The following AAK1 variants were observed in gnomAD, a reference collection of about 807,000 sequenced individuals.
AAK1 encodes the protein AP2 associated kinase 1, also known as AP2-associated protein kinase 1.
Under a neutral mutation model 116.0 loss-of-function variants are expected in AAK1, and 37 were observed. That is an observed-to-expected ratio of 0.32 (90% CI 0.25 to 0.42). AAK1 has a LOEUF of 0.42. Among genes scored for constraint, AAK1 ranks in the 10% least tolerant of loss-of-function variants. AAK1 has a pLI of 1.00. For missense variants in AAK1, 919 were observed against 1,170.6 expected, an observed-to-expected ratio of 0.79 and a Z score of 3.14; for synonymous variants, 458 against 439.9, an observed-to-expected ratio of 1.04 and a Z score of -0.51.
At chr2:69,608,698 G>A (rs568853805) in intron 2 of AAK1, among the ~76,000 whole-genome samples, 1 of 152,154 alleles carries the variant, frequency 6.6e-6, no homozygotes, top group Non-Finnish European at 1.5e-5. Flanking sequence ...ATGAGGTAGA[G>A]ATTAATTTTA....
intron 2 of AAK1, among the ~76,000 whole-genome samples, chr2:69,626,713 T>A (rs1389297381): frequency 3.4e-5 from 5 of 147,926 alleles, no homozygotes; most frequent in African/African-American, 1.3e-4. Flanking sequence ...TTGCCCAGAC[T>A]GGTCTTGAAC....
chr2:69,595,480 G>A (rs1482904384), intron 2 of AAK1, among the ~76,000 whole-genome samples: 2 of 152,194 alleles, frequency 1.3e-5, no homozygotes, highest in Admixed American at 6.5e-5. Flanking sequence ...CTGGATATAA[G>A]AACAAACCTG....
intron 10 of AAK1, among the ~76,000 whole-genome samples, chr2:69,524,031 C>A (rs962116294): frequency 6.6e-6 from 1 of 152,200 alleles, no homozygotes; most frequent in African/African-American, 2.4e-5. Flanking sequence ...TTCGTTTAAT[C>A]CTCTTTTGGC....
At chr2:69,622,119 G>A (rs558888117) in intron 2 of AAK1, among the ~76,000 whole-genome samples, 44 of 152,358 alleles carry the variant, frequency 2.9e-4, no homozygotes, top group African/African-American at 8.7e-4. Context: ...TGCGCAGGGC[G>A]CCTGTGGGCC....
At chr2:69,530,546 G>A in intron 7 of AAK1, 79 bp downstream of exon 7, 1 of 1,206,278 alleles carries the variant, frequency 8.3e-7, no homozygotes, top group Non-Finnish European at 1.2e-6. Flanking sequence ...CCATGCTATA[G>A]CGCTGTGTGC....
chr2:69,629,267 T>C (rs1401349810), intron 2 of AAK1, among the ~76,000 whole-genome samples: 1 of 152,240 alleles, frequency 6.6e-6, no homozygotes, highest in Non-Finnish European at 1.5e-5. Flanking sequence ...TGCAGGCCAA[T>C]GCCAATCATC....
At chr2:69,529,805 T>C (rs1055167042) in intron 8 of AAK1, among the ~76,000 whole-genome samples, 9 of 152,140 alleles carry the variant, frequency 5.9e-5, no homozygotes, top group African/African-American at 2.2e-4. Context: ...GGCTCAGGTG[T>C]GAAACAGAAC....
At chr2:69,613,548 C>T (rs183422879) in intron 2 of AAK1, among the ~76,000 whole-genome samples, 1 of 152,268 alleles carries the variant, frequency 6.6e-6, no homozygotes, top group Non-Finnish European at 1.5e-5. Flanking sequence ...TTACCCCTAG[C>T]CTCTGAGGAG....
intron 2 of AAK1, among the ~76,000 whole-genome samples, chr2:69,574,672 T>G (rs1672228921): frequency 6.6e-6 from 1 of 152,028 alleles, no homozygotes. Context: ...AGTAAAATAT[T>G]GAACATTAAA....
intron 2 of AAK1, among the ~76,000 whole-genome samples, chr2:69,625,444 C>G (rs1674852195): frequency 6.6e-6 from 1 of 152,202 alleles, no homozygotes; most frequent in East Asian, 1.9e-4. Flanking sequence ...AGATCTATAA[C>G]AAAACAGTAA....
chr2:69,631,266 G>C (rs1015576157), intron 2 of AAK1, among the ~76,000 whole-genome samples: 1 of 152,168 alleles, frequency 6.6e-6, no homozygotes, highest in African/African-American at 2.4e-5. Flanking sequence ...AAAGGTCCCA[G>C]TACAATAGCT....
Position 69,471,411 on chromosome 2 carries a change from A to G in AAK1, c.*4458T>C. 4.1e-6 allele frequency: 4 copies of G among 985,490 alleles called. No individual in the cohort carries two copies. Among genetic ancestry groups the G allele is most frequent in the Non-Finnish European group, 4.8e-6 (4 of 829,934 alleles). The allele number at this position is 985,490 out of a possible 1,614,324, so 61.0% of individuals were successfully genotyped here. A position where few individuals can be genotyped will look rare whatever the true frequency, so the allele number is the denominator to read the frequency against. ...AGAAACATTACTAATGTGGAAAAAG[A>G]AAAGGCTGACTTTGTGTTGATAAAA... On this transcript the variant is annotated 3_prime_UTR_variant, in exon 22 of 22. Transcript: ENST00000409085.
chr2:69,636,181 A>G (rs921540258), intron 2 of AAK1, among the ~76,000 whole-genome samples: 1 of 151,650 alleles, frequency 6.6e-6, no homozygotes, highest in Admixed American at 6.6e-5. Context: ...AACAAACTAG[A>G]GGCTTAAAAA....
At chr2:69,642,209 T>TA (rs1482129189) in intron 2 of AAK1, among the ~76,000 whole-genome samples, 1 of 152,056 alleles carries the variant, frequency 6.6e-6, no homozygotes, top group African/African-American at 2.4e-5. Context: ...TTCTTTTGAT[T>TA]AAAAAAACAA....
chr2:69,503,595 C>T (rs1479994942), intron 16 of AAK1, among the ~76,000 whole-genome samples: 1 of 152,192 alleles, frequency 6.6e-6, no homozygotes, highest in African/African-American at 2.4e-5. Flanking sequence ...CCTCAGCTCA[C>T]TGCAACCTCT....
chr2:69,509,437 C>T lies in AAK1; in HGVS notation c.1800G>A (p.Gln600=). Reference sequence around the variant, plus strand: ...GAGGTGGGGTTGTCTGAACCTTTGGCTGTTGTCTTACTGGGGCTTGAATCT... The same window carrying T: ...GAGGTGGGGTTGTCTGAACCTTTGGTTGTTGTCTTACTGGGGCTTGAATCT... ...EPAIQAPVRQ[Q]PKVQTTPPPA... is the part of the protein sequence containing the mutation. Residue 600 remains glutamine, a synonymous_variant, in exon 14 of 22, where the codon CAG becomes CAA. Coordinates refer to ENST00000409085, the MANE Select transcript of AAK1 (RefSeq NM_014911.5). The T allele has an allele frequency of 6.2e-7, 1 of 1,613,752 alleles. No homozygotes were observed. The highest frequency in any genetic ancestry group is 8.5e-7 in the Non-Finnish European group (1 of 1,179,770).
At position 69,467,908 on chromosome 2, in the gene AAK1, T is replaced by C; in HGVS notation, c.*7961A>G. The C allele has an allele frequency of 1.0e-6, 1 of 985,344 alleles. No individual in the cohort carries two copies. Among genetic ancestry groups the C allele is most frequent in the Middle Eastern group, 5.2e-4 (1 of 1,914 alleles). 61.0% of individuals were successfully genotyped at this position (985,344 alleles called of 1,614,324 possible). A position where few individuals can be genotyped will look rare whatever the true frequency, so the allele number is the denominator to read the frequency against. ...TACAAAAATACTATGTTTCTCTGAA[T>C]CCTATAACTTTTTAGCAGTGCTTCT... On this transcript the variant is annotated 3_prime_UTR_variant, in exon 22 of 22. Transcript: ENST00000409085.
chr2:69,511,510 G>A (rs1351302560), intron 13 of AAK1, among the ~76,000 whole-genome samples: 1 of 152,238 alleles, frequency 6.6e-6, no homozygotes, highest in East Asian at 1.9e-4. Context: ...TGGGGGTCCA[G>A]AGTTGTGCCT....
chr2:69,537,065 G>A lies in AAK1; in HGVS notation c.535-4903C>T, dbSNP rs1406534553. Among the ~76,000 whole-genome samples the A allele has an allele frequency of 6.6e-5, 10 of 152,302 alleles. No individual in the cohort carries two copies. The South Asian group carries it at 1.0e-3, about 16-fold the overall frequency. Reference sequence around the variant, plus strand: ...ACGGGAGTGAAAAACCGTGGTCTCCGTTCTGGTTTGATCACTCAACTACCT... The same window carrying A: ...ACGGGAGTGAAAAACCGTGGTCTCCATTCTGGTTTGATCACTCAACTACCT... On this transcript the variant is annotated intron_variant, in intron 5 of 21. Transcript: ENST00000409085.
Sources: allele counts gnomAD v4.1 joint callset (sites outside exome capture counted in the v4.1 genomes callset), GRCh38; gene constraint gnomAD v4.1.1; transcripts MANE v1.5; gene names NCBI Gene and HGNC (gene_info 2026-07-23, HGNC 2026-07-21).